NIPAL2: variants seen among roughly 807,000 people sequenced by gnomAD.
NIPAL2 encodes the protein NIPA like domain containing 2.
In NIPAL2, 43 loss-of-function variants were observed where a neutral mutation model predicts 48.9. The ratio of observed to expected loss-of-function variants is 0.88; its 90% CI spans 0.69 to 1.13. NIPAL2 has a LOEUF of 1.13. Among genes scored for constraint, NIPAL2 ranks in the 50% most tolerant of loss-of-function variants. The pLI is 0.00. For missense variants in NIPAL2, 446 were observed against 461.4 expected (o/e 0.97, Z 0.31); for synonymous variants, 167 against 174.6 (o/e 0.96, Z 0.34).
At chr8:98,262,444 C>A in intron 1 of NIPAL2, among the ~76,000 whole-genome samples, 1 of 150,672 alleles carries the variant, frequency 6.6e-6, no homozygotes, top group African/African-American at 2.4e-5. Flanking sequence ...ATCTACCAAG[C>A]AAATGGAAAA....
intron 1 of NIPAL2, among the ~76,000 whole-genome samples, chr8:98,268,858 G>A (rs1438688569): frequency 2.6e-5 from 4 of 152,130 alleles, no homozygotes; most frequent in Admixed American, 2.6e-4. Context: ...ATAGCATTAT[G>A]TTTAAAAATG....
rs1563517672 is a variant in NIPAL2 at position 98,244,324 on chromosome 8, GGGGT to G, written c.377-8114_377-8111del. 2.2e-3 allele frequency among the ~76,000 whole-genome samples: 192 copies of G among 88,842 alleles called. 13 individuals are homozygous for G. Among genetic ancestry groups the G allele is most frequent in the African/African-American group, 6.1e-3 (140 of 23,064 alleles). 58.3% of individuals were successfully genotyped at this position (88,842 alleles called of 152,430 possible). On this transcript the variant is annotated intron_variant, in intron 3 of 10. Coordinates refer to ENST00000430223, the MANE Select transcript of NIPAL2 (RefSeq NM_001321635.2). ...GATGAGAGGGTGGGCGTGGTGATGA[GGGGT>G]AGTCTGTAATGATGAGAGGGTGGGC...
chr8:98,266,641 G>A (rs188966120), intron 1 of NIPAL2, among the ~76,000 whole-genome samples: 1 of 151,568 alleles, frequency 6.6e-6, no homozygotes, highest in African/African-American at 2.4e-5. Context: ...GAGAATAAAT[G>A]GACCTCAAGC....
At position 98,254,085 on chromosome 8, in the gene NIPAL2, A is replaced by T. The variant is rs1421181745; in HGVS notation, c.138T>A (p.Ile46=). 1 of 1,609,240 alleles carries T rather than the reference A, an allele frequency of 6.2e-7. No individual in the cohort carries two copies. Among genetic ancestry groups the T allele is most frequent in the Non-Finnish European group, 8.5e-7 (1 of 1,176,754 alleles). Residue 46 remains isoleucine, a splice_region_variant and synonymous_variant, in exon 2 of 11, where the codon ATT becomes ATA. Transcript: ENST00000430223. ...TAGCCAGCAAAACTCCAAAAAGGTGAATCTGTAAAAGAAAATGTTTTCCTT... is the reference window on the plus strand; with the variant it reads ...TAGCCAGCAAAACTCCAAAAAGGTGTATCTGTAAAAGAAAATGTTTTCCTT... ...LSGDWYRRNQ[I]HLFGVLLAIL...
At chr8:98,242,448 A>C (rs1813035820) in intron 3 of NIPAL2, among the ~76,000 whole-genome samples, 1 of 149,250 alleles carries the variant, frequency 6.7e-6, no homozygotes, top group Non-Finnish European at 1.5e-5. Context: ...TGGCCTTCCA[A>C]AGTGCTGAGA....
intron 4 of NIPAL2, among the ~76,000 whole-genome samples, chr8:98,230,367 C>T (rs1052968499): frequency 1.3e-5 from 2 of 152,126 alleles, no homozygotes; most frequent in Admixed American, 1.3e-4. Flanking sequence ...AACTGGTGTT[C>T]CCTGGAACCA....
rs189795917 is a variant in NIPAL2 at position 98,273,091 on chromosome 8, T to A, written c.136-19004A>T. ...ATATCCATAGCACCGTTATTCCTAG[T>A]GCCCCAAAGTGGAAATGACCAAATG... is the stretch of plus-strand genomic sequence containing the variant. On this transcript the variant is annotated intron_variant, in intron 1 of 10. Coordinates refer to ENST00000430223, the MANE Select transcript of NIPAL2 (RefSeq NM_001321635.2). 7.9e-5 allele frequency among the ~76,000 whole-genome samples: 12 copies of A among 152,314 alleles called. No homozygotes were observed. The East Asian group carries it at 2.1e-3, about 27-fold the overall frequency.
At chr8:98,202,796 A>G (rs1473469672) in intron 8 of NIPAL2, among the ~76,000 whole-genome samples, 1 of 152,240 alleles carries the variant, frequency 6.6e-6, no homozygotes, top group Admixed American at 6.5e-5. Context: ...AAAGACTCCA[A>G]CAAGAACAAA....
intron 6 of NIPAL2, among the ~76,000 whole-genome samples, chr8:98,209,445 C>CAAAAAAA (rs33923448): frequency 0.26 from 18,062 of 69,786 alleles, 1,868 homozygotes; most frequent in South Asian, 0.38. Flanking sequence ...CCTGTCTCTC[C>CAAAAAAA]AAAAAAAAAA....
rs759513732 is a variant in NIPAL2 at position 98,203,209 on chromosome 8, G to C, written c.792-13C>G. 6.2e-7 allele frequency: 1 copy of C among 1,600,068 alleles called. No individual in the cohort carries two copies. Among genetic ancestry groups the C allele is most frequent in the Non-Finnish European group, 8.6e-7 (1 of 1,167,362 alleles). On this transcript the variant is annotated splice_polypyrimidine_tract_variant and intron_variant, in intron 7 of 10. Coordinates refer to ENST00000430223, the MANE Select transcript of NIPAL2 (RefSeq NM_001321635.2). Reference sequence around the variant, plus strand: ...TTGATTCAGGAACCTAGGGCAGAAGGCACTTACTGGAGCTTTGGCTTTAGG... The same window carrying C: ...TTGATTCAGGAACCTAGGGCAGAAGCCACTTACTGGAGCTTTGGCTTTAGG...
intron 1 of NIPAL2, among the ~76,000 whole-genome samples, chr8:98,286,962 G>A (rs1816212959): frequency 6.6e-6 from 1 of 152,176 alleles, no homozygotes; most frequent in Admixed American, 6.5e-5. Flanking sequence ...CAGGCCTCAT[G>A]CAATTAGGAC....
chr8:98,193,392 C>A (rs780498566), intron 10 of NIPAL2: 7 of 1,613,962 alleles, frequency 4.3e-6, no homozygotes, highest in East Asian at 4.5e-5. Context: ...CACCTCCAAG[C>A]CTTTCTCTCT....
At position 98,280,765 on chromosome 8, in the gene NIPAL2, G is replaced by T. The variant is rs868534900; in HGVS notation, c.135+13238C>A. On this transcript the variant is annotated intron_variant, in intron 1 of 10. Transcript: ENST00000430223. ...ATATATATATATATATATATATAGAGAGAGAGAGAGAGAGAGAGAGAGAGA... is the reference window on the plus strand; with the variant it reads ...ATATATATATATATATATATATAGATAGAGAGAGAGAGAGAGAGAGAGAGA... 1.0e-2 allele frequency among the ~76,000 whole-genome samples: 546 copies of T among 54,682 alleles called. 4 individuals are homozygous for T. Among genetic ancestry groups the T allele is most frequent in the South Asian group, 0.019 (31 of 1,614 alleles). The allele number at this position is 54,682 out of a possible 152,430, so 35.9% of individuals were successfully genotyped here. A position where few individuals can be genotyped will look rare whatever the true frequency, so the allele number is the denominator to read the frequency against.
intron 5 of NIPAL2, among the ~76,000 whole-genome samples, chr8:98,220,203 T>A: frequency 6.6e-6 from 1 of 152,202 alleles, no homozygotes; most frequent in East Asian, 1.9e-4. Context: ...ATTCTTGTCA[T>A]ATACACTAGG....
intron 1 of NIPAL2, among the ~76,000 whole-genome samples, chr8:98,288,098 G>A (rs949166491): frequency 6.6e-6 from 1 of 151,884 alleles, no homozygotes; most frequent in Non-Finnish European, 1.5e-5. Context: ...GTGCAGGTTA[G>A]TTACATATGT....
Position 98,212,427 on chromosome 8 carries a change from C to G in NIPAL2, c.633G>C (p.Leu211=). 6.3e-7 allele frequency: 1 copy of G among 1,588,302 alleles called. No homozygotes were observed. The highest frequency in any genetic ancestry group is 8.6e-7 in the Non-Finnish European group (1 of 1,157,354). The change falls in exon 6 of 11, where the codon CTG becomes CTC. Residue 211 remains leucine, a synonymous_variant. Transcript: ENST00000430223. ...TACCTAGAATTGCCACCAGGGTTAG[C>G]AGAATCACCATATGCTTCATTCCTT... is the stretch of plus-strand genomic sequence containing the variant. ...KRKGMKHMVI[L]LTLVAILASL...
intron 1 of NIPAL2, among the ~76,000 whole-genome samples, chr8:98,287,993 T>G (rs1261902941): frequency 1.3e-5 from 2 of 152,204 alleles, no homozygotes; most frequent in African/African-American, 2.4e-5. Flanking sequence ...AGCATGCAAG[T>G]TGAATAGTCA....
intron 7 of NIPAL2, among the ~76,000 whole-genome samples, chr8:98,204,364 T>G (rs1810933828): frequency 6.6e-6 from 1 of 152,124 alleles, no homozygotes; most frequent in Admixed American, 6.5e-5. Context: ...GAACCACTCT[T>G]GTACTGATTT....
At position 98,222,525 on chromosome 8, in the gene NIPAL2, C is replaced by A; in HGVS notation, c.512G>T (p.Arg171Ile). The A allele has an allele frequency of 1.9e-6, 3 of 1,614,122 alleles. No homozygotes were observed. Among genetic ancestry groups the A allele is most frequent in the Non-Finnish European group, 2.5e-6 (3 of 1,179,966 alleles). The change falls in exon 5 of 11, where the codon AGA becomes ATA. Residue 171 changes from arginine (R) to isoleucine (I), a missense_variant. Physicochemically the swap from Arg to Ile is moderately conservative, Grantham distance 97. Transcript: ENST00000430223. ...APNITQAISA[R>I]TVQYYLVGWQ... ...TCCGACAAGGTAATACTGTACTGTT[C>A]TTGCTGAGATTGCCTGAGTTATATT...
Sources: gnomAD v4.1 joint callset for allele counts (sites outside exome capture counted in the v4.1 genomes callset) on GRCh38, gnomAD v4.1.1 for gene constraint, MANE v1.5 for transcripts, NCBI Gene and HGNC (gene_info 2026-07-23, HGNC 2026-07-21) for gene names.